MXI1: variants seen among roughly 807,000 people sequenced by gnomAD.
MXI1 encodes the protein MAX interactor 1, dimerization protein.
MXI1 carries 18 observed loss-of-function variants against 36.9 expected under a neutral mutation model. That is an observed-to-expected ratio of 0.49 (90% confidence interval 0.34 to 0.72). MXI1 has a LOEUF of 0.72. Among genes scored for constraint, MXI1 ranks in the 30% least tolerant of loss-of-function variants. The pLI is 0.01. For synonymous variants in MXI1, 160 were observed against 146.7 expected (o/e 1.09, Z -0.65); for missense variants, 304 against 379.1 (o/e 0.80, Z 1.64).
At chr10:110,236,124 CTTTTTTTTTTTTTTTTTT>C (rs60576710) in intron 2 of MXI1, among the ~76,000 whole-genome samples, 23 of 33,572 alleles carry the variant, frequency 6.9e-4, no homozygotes, top group Middle Eastern at 0.015. Context: ...GGTTGAAGTT[CTTTTTTTTTTTTTTTTTT>C]TTTTTTTTTT....
chr10:110,265,152 A>G (rs1220568847), intron 3 of MXI1, among the ~76,000 whole-genome samples: 1 of 152,192 alleles, frequency 6.6e-6, no homozygotes, highest in East Asian at 1.9e-4. Context: ...GAGGAGTTAG[A>G]TGCTAGTACA....
chr10:110,280,698 AGAAAT>A (rs1383965824), intron 5 of MXI1, among the ~76,000 whole-genome samples: 1 of 151,988 alleles, frequency 6.6e-6, no homozygotes, highest in Non-Finnish European at 1.5e-5. Flanking sequence ...AAAAAAGAAA[AGAAAT>A]GATGTTGTGC....
chr10:110,284,335 C>G (rs891343882), intron 5 of MXI1, among the ~76,000 whole-genome samples: 2 of 152,016 alleles, frequency 1.3e-5, no homozygotes, highest in Non-Finnish European at 2.9e-5. Flanking sequence ...ATGATGAATC[C>G]TAGAAGTCTG....
chr10:110,285,152 T>TAA lies in MXI1; in HGVS notation c.*166_*167insAA. On this transcript the variant is annotated 3_prime_UTR_variant, in exon 6 of 6. Transcript: ENST00000332674. ...GTCAGAGGACCTGTATTTAAGCAAA[T>TAA]ACTTAGCAAAAAGTGGGGCAGAGCC... 5 of 579,610 alleles carry TAA rather than the reference T, an allele frequency of 8.6e-6. No individual in the cohort carries two copies. Among genetic ancestry groups the TAA allele is most frequent in the African/African-American group, 3.9e-5 (2 of 51,564 alleles). 35.9% of individuals were successfully genotyped at this position (579,610 alleles called of 1,614,324 possible).
At chr10:110,237,677 C>G (rs1189380289) in intron 2 of MXI1, among the ~76,000 whole-genome samples, 1 of 152,184 alleles carries the variant, frequency 6.6e-6, no homozygotes, top group Non-Finnish European at 1.5e-5. Context: ...AGTCCTCAGG[C>G]CACTCTCACA....
At chr10:110,280,679 CAAA>C (rs754769947) in intron 5 of MXI1, among the ~76,000 whole-genome samples, 3 of 117,754 alleles carry the variant, frequency 2.5e-5, no homozygotes, top group African/African-American at 3.4e-5. Flanking sequence ...GGTTCCGTCT[CAAA>C]AAAAAAAAAA....
Position 110,208,024 on chromosome 10 carries a change from C to A in MXI1, c.216C>A (p.Asn72Lys). Reference protein sequence around the residue: ...MEKHINTFLQNVQILLEAASY... With the variant: ...MEKHINTFLQKVQILLEAASY... ...AGCACATCAACACTTTTCTGCAGAA[C>A]GTGCAGATTCTGCTCGAGGCCGCCA... is the stretch of plus-strand genomic sequence containing the variant. The change falls in exon 1 of 6, where the codon AAC becomes AAA. Residue 72 changes from asparagine (N) to lysine (K), a missense_variant. By Grantham distance (94) the Asn-to-Lys change is moderately conservative. Coordinates refer to ENST00000332674, the MANE Select transcript of MXI1 (RefSeq NM_130439.3). 1 of 1,604,406 alleles carries A rather than the reference C, an allele frequency of 6.2e-7. No homozygotes were observed.
chr10:110,226,225 G>A (rs1171603463), intron 1 of MXI1: 1 of 1,498,732 alleles, frequency 6.7e-7, no homozygotes, highest in South Asian at 1.2e-5. Context: ...AGCGGGTGAA[G>A]ATGATCAACG....
chr10:110,252,777 T>C (rs1397617548), intron 3 of MXI1, among the ~76,000 whole-genome samples: 1 of 152,160 alleles, frequency 6.6e-6, no homozygotes, highest in Non-Finnish European at 1.5e-5. Flanking sequence ...TGTTTTCACA[T>C]TATAATGACT....
At chr10:110,213,222 AAAG>A (rs1354466655) in intron 1 of MXI1, among the ~76,000 whole-genome samples, 1 of 152,226 alleles carries the variant, frequency 6.6e-6, no homozygotes, top group Non-Finnish European at 1.5e-5. Context: ...AACAAATAAG[AAAG>A]AAGGAGACTA....
At chr10:110,209,844 C>T (rs1854463280) in intron 1 of MXI1, among the ~76,000 whole-genome samples, 1 of 152,128 alleles carries the variant, frequency 6.6e-6, no homozygotes, top group Admixed American at 6.5e-5. Context: ...TGGAGTCTGT[C>T]CCGTGGCGTT....
intron 1 of MXI1, chr10:110,225,843 G>C (rs1038551441): frequency 1.2e-5 from 3 of 257,248 alleles, no homozygotes; most frequent in African/African-American, 6.9e-5. Flanking sequence ...CGAATCTTGC[G>C]GAACGCAGGC....
intron 2 of MXI1, among the ~76,000 whole-genome samples, chr10:110,235,685 C>G (rs1855435318): frequency 7.4e-6 from 1 of 134,880 alleles, no homozygotes; most frequent in Admixed American, 8.0e-5. Flanking sequence ...AAGACTCTGT[C>G]TCAAAAAATA....
chr10:110,226,352 T>C, intron 1 of MXI1: 1 of 1,393,714 alleles, frequency 7.2e-7, no homozygotes, highest in Non-Finnish European at 9.3e-7. Context: ...GTGCGGCCGG[T>C]AAGGGAGGGC....
At chr10:110,228,168 T>A (rs773875288) in intron 1 of MXI1, 21 bp from the exon 2 acceptor site, 43 of 1,612,698 alleles carry the variant, frequency 2.7e-5, no homozygotes, top group Non-Finnish European at 3.5e-5. Flanking sequence ...TTACCGTATC[T>A]TTTTTTCTTG....
chr10:110,279,663 T>C (rs1857164843), intron 4 of MXI1, among the ~76,000 whole-genome samples: 2 of 152,242 alleles, frequency 1.3e-5, no homozygotes, highest in South Asian at 4.1e-4. Flanking sequence ...TTACAGACTT[T>C]TAGAAGTCCA....
Position 110,284,835 on chromosome 10 carries a change from G to A in MXI1, c.736G>A (p.Val246Met). ...RSDSEREEIE[V>M]DVESTEFSHG... The stretch of plus-strand genomic sequence containing the variant: ...TTTTCCTTTGGCAGAGGAGATTGAA[G>A]TGGATGTTGAAAGCACAGAGTTCTC... Residue 246 changes from valine to methionine, a missense_variant, in exon 6 of 6, where the codon GTG (valine) becomes ATG (methionine). Val to Met is a conservative substitution (Grantham distance 21, BLOSUM62 1). Transcript: ENST00000332674. The A allele has an allele frequency of 6.2e-7, 1 of 1,603,304 alleles. No individual in the cohort carries two copies. Among genetic ancestry groups the A allele is most frequent in the Middle Eastern group, 1.7e-4 (1 of 5,998 alleles).
In MXI1 at chr10:110,244,463, CT is replaced by C. The variant is rs60522445; in HGVS notation, c.408-355del. 5.3e-3 allele frequency among the ~76,000 whole-genome samples: 785 copies of C among 147,208 alleles called. 1 individual carries two copies. Among genetic ancestry groups the C allele is most frequent in the Non-Finnish European group, 7.4e-3 (490 of 66,434 alleles). ...AGAGGAGGACATGGAAGTACACCCA[CT>C]TTTTTTTTTCCTTTTTAAATAAAAA... On this transcript the variant is annotated intron_variant, in intron 2 of 5. Coordinates refer to ENST00000332674, the MANE Select transcript of MXI1 (RefSeq NM_130439.3).
chr10:110,261,834 A>C (rs1053928896), intron 3 of MXI1, among the ~76,000 whole-genome samples: 1 of 152,012 alleles, frequency 6.6e-6, no homozygotes, highest in Non-Finnish European at 1.5e-5. Context: ...GTGAACTTCT[A>C]CTCATGTACA....
Sources: allele counts gnomAD v4.1 joint callset (sites outside exome capture counted in the v4.1 genomes callset), GRCh38; gene constraint gnomAD v4.1.1; transcripts MANE v1.5; gene names NCBI Gene and HGNC (gene_info 2026-07-23, HGNC 2026-07-21).